The following PCYOX1L variants were observed in gnomAD, a reference collection of about 807,000 sequenced individuals.
PCYOX1L encodes the protein prenylcysteine oxidase 1-like.
In PCYOX1L, 40 loss-of-function variants were observed where a neutral mutation model predicts 44.1. The ratio of observed to expected loss-of-function variants is 0.91; its 90% confidence interval spans 0.70 to 1.18. The LOEUF (loss-of-function observed/expected upper bound fraction) is 1.18. Among genes scored for constraint, PCYOX1L ranks in the 50% most tolerant of loss-of-function variants. The pLI is 0.00. For synonymous variants in PCYOX1L, 266 were observed against 282.8 expected (o/e 0.94, Z 0.60); for missense variants, 605 against 653.3 (o/e 0.93, Z 0.81).
In PCYOX1L at chr5:149,365,972, C is replaced by T. The variant is rs755605066; in HGVS notation, c.501C>T (p.Ala167=). 6.2e-7 allele frequency: 1 copy of T among 1,614,152 alleles called. No individual in the cohort carries two copies. ...ATAAGTACCAGGCCCACGGCTATGC[C>T]TTCTCGGGTGTGGAGGAGCTGCTCT... The part of the protein sequence containing the change: ...RIYKYQAHGY[A]FSGVEELLYS... The change falls in exon 4 of 6, where the codon GCC becomes GCT. Residue 167 remains alanine, a synonymous_variant. Coordinates refer to ENST00000274569, the MANE Select transcript of PCYOX1L (RefSeq NM_024028.4).
chr5:149,358,152 A>G lies in PCYOX1L; in HGVS notation c.84A>G (p.Lys28=). ...CTGGCGGAGATGCCCCGCCGGGCAA[A>G]ATCGGTGCGGGAAGGACGCGGTGGG... ...AAAGGDAPPG[K]IAVVGAGIGG... Residue 28 remains lysine (K), a synonymous_variant, in exon 1 of 6, where the codon AAA becomes AAG. Transcript: ENST00000274569. 6.9e-7 allele frequency: 1 copy of G among 1,455,420 alleles called. No homozygotes were observed. 90.2% of individuals were successfully genotyped at this position (1,455,420 alleles called of 1,614,324 possible).
intron 1 of PCYOX1L, among the ~76,000 whole-genome samples, chr5:149,360,379 G>A (rs1757973364): frequency 6.6e-6 from 1 of 152,102 alleles, no homozygotes; most frequent in Non-Finnish European, 1.5e-5. Context: ...GGGTAATTTG[G>A]GACTCTTTGC....
In PCYOX1L at chr5:149,362,819, A is replaced by T. The variant is rs757834085; in HGVS notation, c.271A>T (p.Met91Leu). 2 of 1,614,088 alleles carry T rather than the reference A, an allele frequency of 1.2e-6. No homozygotes were observed. Among genetic ancestry groups the T allele is most frequent in the Middle Eastern group, 1.6e-4 (1 of 6,062 alleles). The change falls in exon 2 of 6, where the codon ATG becomes TTG. Residue 91 changes from methionine (M) to leucine (L), a missense_variant. Met to Leu is a conservative substitution (Grantham distance 15). Coordinates refer to ENST00000274569, the MANE Select transcript of PCYOX1L (RefSeq NM_024028.4). ...AASFHSLSLH[M>L]QDFVKLLGLR... ...CTCCTTCCACTCCCTGAGCCTGCAC[A>T]TGCAGGACTTCGTCAAGCTGCTGGG...
chr5:149,364,862 G>A (rs900292700), intron 3 of PCYOX1L: 2 of 152,292 alleles, frequency 1.3e-5, no homozygotes, highest in African/African-American at 4.8e-5. Flanking sequence ...ATCACCTTTG[G>A]TCCCAGATGT....
At chr5:149,365,651 A>G (rs1393240884) in intron 3 of PCYOX1L, 5 of 461,460 alleles carry the variant, frequency 1.1e-5, no homozygotes, top group Non-Finnish European at 4.0e-6. Context: ...GTTATGAACT[A>G]TGACCTCAGG....
intron 1 of PCYOX1L, among the ~76,000 whole-genome samples, chr5:149,359,426 A>G (rs1757947278): frequency 6.6e-6 from 1 of 152,216 alleles, no homozygotes; most frequent in African/African-American, 2.4e-5. Flanking sequence ...AGAAGCCCTC[A>G]TGGAGAAGGT....
chr5:149,365,154 C>G (rs950919586), intron 3 of PCYOX1L: 1 of 152,172 alleles, frequency 6.6e-6, no homozygotes, highest in Non-Finnish European at 1.5e-5. Context: ...TTCCTTACCT[C>G]TCTTTCTGAT....
chr5:149,368,974 G>A lies in PCYOX1L; in HGVS notation c.*320G>A, dbSNP rs759095004. ...TCTTAGCTAGAAACCAGAAGACTACGGGAGGGAATATAAGGCAGAGAACTA... is the reference window on the plus strand; with the variant it reads ...TCTTAGCTAGAAACCAGAAGACTACAGGAGGGAATATAAGGCAGAGAACTA... On this transcript the variant is annotated 3_prime_UTR_variant, in exon 6 of 6. Coordinates refer to ENST00000274569, the MANE Select transcript of PCYOX1L (RefSeq NM_024028.4). The A allele has an allele frequency of 1.3e-5, 3 of 222,734 alleles. No homozygotes were observed. The highest frequency in any genetic ancestry group is 2.3e-5 in the African/African-American group (1 of 44,094). 13.8% of individuals were successfully genotyped at this position (222,734 alleles called of 1,614,324 possible). A position where few individuals can be genotyped will look rare whatever the true frequency, so the allele number is the denominator to read the frequency against.
At position 149,368,000 on chromosome 5, in the gene PCYOX1L, A is replaced by G. The variant is rs376374404; in HGVS notation, c.831A>G (p.Lys277=). 1.2e-5 allele frequency: 18 copies of G among 1,525,458 alleles called. No individual in the cohort carries two copies. The Middle Eastern group carries it at 5.3e-4, about 45-fold the overall frequency. 94.5% of individuals were successfully genotyped at this position (1,525,458 alleles called of 1,614,324 possible). A position where few individuals can be genotyped will look rare whatever the true frequency, so the allele number is the denominator to read the frequency against. The change falls in exon 6 of 6, where the codon AAA becomes AAG. Residue 277 remains lysine (K), a synonymous_variant. Coordinates refer to ENST00000274569, the MANE Select transcript of PCYOX1L (RefSeq NM_024028.4). ...TSVTLHSTEG[K]ALYQVAYENE... ...GTGCTCTTTTCTTTCCAGAGGGGAA[A>G]GCCCTGTACCAGGTGGCGTATGAGA...
intron 3 of PCYOX1L, chr5:149,365,349 G>A (rs1758162544): frequency 6.5e-6 from 1 of 152,854 alleles, no homozygotes; most frequent in Non-Finnish European, 1.5e-5. Context: ...AGAAGCCCTA[G>A]AATGGGCAAC....
At position 149,362,548 on chromosome 5, in the gene PCYOX1L, C is replaced by G; in HGVS notation, c.89-89C>G. On this transcript the variant is annotated intron_variant, in intron 1 of 5. Transcript: ENST00000274569. ...AGGAAATTTAAGCACCTGGGAACCACCAGCGCAGGAGGATACAAAGTGTGA... is the reference window on the plus strand; with the variant it reads ...AGGAAATTTAAGCACCTGGGAACCAGCAGCGCAGGAGGATACAAAGTGTGA... 2.2e-6 allele frequency: 3 copies of G among 1,375,258 alleles called. No homozygotes were observed. The South Asian group carries it at 3.6e-5, about 16-fold the overall frequency. 85.2% of individuals were successfully genotyped at this position (1,375,258 alleles called of 1,614,324 possible). A position where few individuals can be genotyped will look rare whatever the true frequency, so the allele number is the denominator to read the frequency against.
intron 3 of PCYOX1L, 73 bp from the exon 4 acceptor site, chr5:149,365,869 A>G: frequency 1.4e-6 from 2 of 1,459,632 alleles, no homozygotes; most frequent in Non-Finnish European, 9.6e-7. Context: ...CCTCCCAGGC[A>G]CTATAACCCA....
chr5:149,365,674 C>G (rs796403209), intron 3 of PCYOX1L: 2 of 521,704 alleles, frequency 3.8e-6, no homozygotes, highest in African/African-American at 3.8e-5. Flanking sequence ...GGGAGTGGCT[C>G]AGAGCAGTGA....
At chr5:149,361,708 A>C (rs1348429701) in intron 1 of PCYOX1L, among the ~76,000 whole-genome samples, 1 of 152,146 alleles carries the variant, frequency 6.6e-6, no homozygotes, top group Non-Finnish European at 1.5e-5. Context: ...AGCTCACCAC[A>C]ACCTCCGCCT....
Position 149,368,718 on chromosome 5 carries a change from C to A in PCYOX1L, c.*64C>A. 2.1e-6 allele frequency: 3 copies of A among 1,452,028 alleles called. No individual in the cohort carries two copies. Among genetic ancestry groups the A allele is most frequent in the Non-Finnish European group, 2.7e-6 (3 of 1,096,708 alleles). 89.9% of individuals were successfully genotyped at this position (1,452,028 alleles called of 1,614,324 possible). On this transcript the variant is annotated 3_prime_UTR_variant, in exon 6 of 6. Coordinates refer to ENST00000274569, the MANE Select transcript of PCYOX1L (RefSeq NM_024028.4). Reference sequence around the variant, plus strand: ...GAAGATGGATCATCCCACAGCAGCCCAGGACTGAATAAGCCATGCTCGCCC... The same window carrying A: ...GAAGATGGATCATCCCACAGCAGCCAAGGACTGAATAAGCCATGCTCGCCC...
At chr5:149,366,226 C>T in intron 4 of PCYOX1L, 73 bp downstream of exon 4, 2 of 1,462,120 alleles carry the variant, frequency 1.4e-6, no homozygotes, top group Non-Finnish European at 9.3e-7. Flanking sequence ...CTGGGGGTCC[C>T]CATAATAACC....
At chr5:149,367,196 T>G (rs996793013) in intron 4 of PCYOX1L, among the ~76,000 whole-genome samples, 164 bp from the exon 5 acceptor site, 1 of 152,220 alleles carries the variant, frequency 6.6e-6, no homozygotes, top group African/African-American at 2.4e-5. Flanking sequence ...CCCATAGCAT[T>G]GTGCACTTTG....
intron 3 of PCYOX1L, 29 bp downstream of exon 3, chr5:149,364,239 G>A (rs373783560): frequency 7.1e-5 from 114 of 1,611,480 alleles, no homozygotes; most frequent in Non-Finnish European, 8.5e-5. Flanking sequence ...TGGGGATGGC[G>A]TTCCAGGGGA....
In PCYOX1L at chr5:149,368,896, AT is replaced by A. The variant is rs1020336788; in HGVS notation, c.*250del. The A allele has an allele frequency of 7.1e-5, 26 of 368,544 alleles. No individual in the cohort carries two copies. The highest frequency in any genetic ancestry group is 1.7e-4 in the Admixed American group (4 of 23,482). 22.8% of individuals were successfully genotyped at this position (368,544 alleles called of 1,614,324 possible). On this transcript the variant is annotated 3_prime_UTR_variant, in exon 6 of 6. Transcript: ENST00000274569. ...CCAAGCCAGTATATTTGTTTTATTT[AT>A]TTTTTTTAAGAAGAAAAAAGTTCAT...
Sources: gnomAD v4.1 joint callset for allele counts (sites outside exome capture counted in the v4.1 genomes callset) on GRCh38, gnomAD v4.1.1 for gene constraint, MANE v1.5 for transcripts, NCBI Gene and HGNC (gene_info 2026-07-23, HGNC 2026-07-21) for gene names.